Variants in DIP2C observed in about 807,000 individuals in gnomAD.
DIP2C encodes disco-interacting protein 2 homolog C.
In DIP2C, 33 loss-of-function variants were observed where a neutral mutation model predicts 192.4. The observed-to-expected ratio is 0.17, with a 90% CI of 0.13 to 0.23. DIP2C has a LOEUF of 0.23. Among genes scored for constraint, DIP2C ranks in the 10% least tolerant of loss-of-function variants. The pLI is 1.00. For synonymous variants in DIP2C, 979 were observed against 864.1 expected (o/e 1.13, Z -2.33); for missense variants, 1,537 against 2,110.1 (o/e 0.73, Z 5.32).
chr10:337,065 T>C (rs1384072776), intron 29 of DIP2C, among the ~76,000 whole-genome samples: 4 of 125,040 alleles, frequency 3.2e-5, no homozygotes, highest in African/African-American at 1.3e-4. Context: ...TGTGTGTGTG[T>C]GTGTGTGTTG....
intron 1 of DIP2C, among the ~76,000 whole-genome samples, chr10:584,908 G>A (rs1850914961): frequency 8.2e-6 from 1 of 122,696 alleles, no homozygotes; most frequent in South Asian, 2.7e-4. Flanking sequence ...CAATCTCAGG[G>A]CCCGCGACCT....
At chr10:283,099 G>A (rs985636232) in intron 35 of DIP2C, among the ~76,000 whole-genome samples, 173 bp downstream of exon 35, 14 of 152,210 alleles carry the variant, frequency 9.2e-5, no homozygotes, top group African/African-American at 3.1e-4. Flanking sequence ...GGACACATTT[G>A]CATTTTGCTT....
In DIP2C at chr10:366,485, C is replaced by T. The variant is rs556532281; in HGVS notation, c.2132-74G>A. 386 of 1,592,680 alleles carry T rather than the reference C, an allele frequency of 2.4e-4. 2 individuals are homozygous for T. Among genetic ancestry groups the T allele is most frequent in the South Asian group, 1.7e-3 (156 of 89,548 alleles). On this transcript the variant is annotated intron_variant, in intron 18 of 36. Coordinates refer to ENST00000280886, the MANE Select transcript of DIP2C (RefSeq NM_014974.3). Reference sequence around the variant, plus strand: ...GAGAATAAAGGAAACAGGGAAGACGCGAATATGAACGACACCAGTGAACAG... The same window carrying T: ...GAGAATAAAGGAAACAGGGAAGACGTGAATATGAACGACACCAGTGAACAG...
At chr10:635,544 G>A (rs951660366) in intron 1 of DIP2C, among the ~76,000 whole-genome samples, 5 of 152,248 alleles carry the variant, frequency 3.3e-5, no homozygotes, top group East Asian at 1.9e-4. Context: ...GAGGGCCTGC[G>A]TCTCCTCATC....
Position 662,677 on chromosome 10 carries a change from AT to A in DIP2C, c.85+26816del, listed in dbSNP as rs1460849712. Reference sequence around the variant, plus strand: ...TTTTTTTCTTTTTCATCTTTTTAAAATTGTTATCAAATTAGGTATGGGCAGA... The same window carrying A: ...TTTTTTTCTTTTTCATCTTTTTAAAATGTTATCAAATTAGGTATGGGCAGA... On this transcript the variant is annotated intron_variant, in intron 1 of 36. Transcript: ENST00000280886. 5.4e-6 allele frequency: 3 copies of A among 560,468 alleles called. No individual in the cohort carries two copies. In the African/African-American group the frequency reaches 5.7e-5, roughly 11 times the overall value. The allele number at this position is 560,468 out of a possible 1,614,324, so 34.7% of individuals were successfully genotyped here.
At chr10:471,517 C>T (rs1180652662) in intron 3 of DIP2C, among the ~76,000 whole-genome samples, 1 of 152,148 alleles carries the variant, frequency 6.6e-6, no homozygotes, top group Non-Finnish European at 1.5e-5. Context: ...GTCACGACTT[C>T]ACCTGCTTAT....
chr10:588,827 G>A (rs1164565473), intron 1 of DIP2C, among the ~76,000 whole-genome samples: 2 of 152,190 alleles, frequency 1.3e-5, no homozygotes, highest in African/African-American at 4.8e-5. Context: ...TCTGGACACA[G>A]TTTTTCTTGA....
At chr10:454,868 AT>A (rs1453250502) in intron 3 of DIP2C, among the ~76,000 whole-genome samples, 1 of 152,170 alleles carries the variant, frequency 6.6e-6, no homozygotes, top group Non-Finnish European at 1.5e-5. Context: ...TGAAGTCATT[AT>A]TGCTGTTACT....
At position 610,216 on chromosome 10, in the gene DIP2C, A is replaced by C. The variant is rs146436600; in HGVS notation, c.85+79278T>G. Among the ~76,000 whole-genome samples the C allele has an allele frequency of 3.3e-5, 5 of 152,338 alleles. No individual in the cohort carries two copies. The East Asian group carries it at 9.6e-4, about 29-fold the overall frequency. On this transcript the variant is annotated intron_variant, in intron 1 of 36. Transcript: ENST00000280886. Reference sequence around the variant, plus strand: ...TACATTAAGCAAACGAGCCAAGCACAGAAAGAAATGGTGCATGTTCTCACT... The same window carrying C: ...TACATTAAGCAAACGAGCCAAGCACCGAAAGAAATGGTGCATGTTCTCACT...
chr10:404,781 A>G (rs1044209161), intron 9 of DIP2C, among the ~76,000 whole-genome samples: 6 of 152,238 alleles, frequency 3.9e-5, no homozygotes, highest in Non-Finnish European at 5.9e-5. Context: ...ACAATTTGCT[A>G]AGAGAGATTA....
At chr10:374,387 C>G (rs928458719) in intron 17 of DIP2C, among the ~76,000 whole-genome samples, 1 of 152,208 alleles carries the variant, frequency 6.6e-6, no homozygotes, top group Non-Finnish European at 1.5e-5. Flanking sequence ...AGAAAAGCAC[C>G]TCACACTGGC....
intron 1 of DIP2C, among the ~76,000 whole-genome samples, chr10:593,435 C>A (rs573688540): frequency 6.6e-6 from 1 of 151,710 alleles, no homozygotes; most frequent in East Asian, 1.9e-4. Flanking sequence ...TGTCTCCCAG[C>A]AGACCCCACA....
At chr10:347,453 A>G (rs1357160764) in intron 26 of DIP2C, among the ~76,000 whole-genome samples, 10 of 130,292 alleles carry the variant, frequency 7.7e-5, no homozygotes, top group East Asian at 5.1e-4. Context: ...ACCCAGACAC[A>G]TCGCGCATAG....
At chr10:378,909 A>G (rs1300303660) in intron 17 of DIP2C, among the ~76,000 whole-genome samples, 2 of 152,254 alleles carry the variant, frequency 1.3e-5, no homozygotes, top group Non-Finnish European at 2.9e-5. Context: ...AAAGACACGG[A>G]CACAGACATG....
intron 29 of DIP2C, among the ~76,000 whole-genome samples, chr10:336,814 G>T (rs547984715): frequency 6.6e-6 from 1 of 152,202 alleles, no homozygotes; most frequent in Admixed American, 6.5e-5. Context: ...CCCTGGCCCT[G>T]TGGAGGCCTA....
chr10:493,765 G>A (rs755715516), intron 1 of DIP2C, among the ~76,000 whole-genome samples: 1 of 152,226 alleles, frequency 6.6e-6, no homozygotes, highest in Non-Finnish European at 1.5e-5. Context: ...GGGTCTTACT[G>A]CCAACTTTAC....
rs139050014 is a variant in DIP2C at position 399,115 on chromosome 10, G to A, written c.1254C>T (p.Thr418=). 6.2e-6 allele frequency: 10 copies of A among 1,613,464 alleles called. No individual in the cohort carries two copies. Among genetic ancestry groups the A allele is most frequent in the Non-Finnish European group, 8.5e-6 (10 of 1,179,744 alleles). Residue 418 remains threonine, a synonymous_variant, in exon 10 of 37, where the codon ACC becomes ACT. Transcript: ENST00000280886. The part of the protein sequence containing the change: ...VVPVPIEVPL[T]RKDAGSQQIG... ...CAAAGGGCGCATTCCTTACCTTCCT[G>A]GTGAGCGGCACCTCGATGGGCACGG...
intron 31 of DIP2C, among the ~76,000 whole-genome samples, chr10:319,304 AAT>A (rs1260227926): frequency 6.6e-6 from 1 of 152,210 alleles, no homozygotes; most frequent in African/African-American, 2.4e-5. Flanking sequence ...GGGTCACTGC[AAT>A]AGTTACTGTT....
intron 29 of DIP2C, among the ~76,000 whole-genome samples, chr10:335,902 G>A (rs2132504648): frequency 6.6e-6 from 1 of 152,244 alleles, no homozygotes; most frequent in Non-Finnish European, 1.5e-5. Flanking sequence ...ACAACCTGTT[G>A]CAATCTTTAT....
Sources: allele counts gnomAD v4.1 joint callset (sites outside exome capture counted in the v4.1 genomes callset), GRCh38; gene constraint gnomAD v4.1.1; transcripts MANE v1.5; gene names NCBI Gene and HGNC (gene_info 2026-07-23, HGNC 2026-07-21).